Variants in DENND5B observed in about 807,000 individuals in gnomAD.
The protein encoded by DENND5B is DENN domain containing 5B.
In DENND5B, 34 loss-of-function variants were observed where a neutral mutation model predicts 140.6. The ratio of observed to expected loss-of-function variants is 0.24; its 90% CI spans 0.18 to 0.32. The LOEUF is 0.32. Ranked by LOEUF, DENND5B falls within the 10% of genes least tolerant of loss-of-function variation. The pLI is 1.00. For synonymous variants in DENND5B, 551 were observed against 562.1 expected (o/e 0.98, Z 0.28); for missense variants, 1,142 against 1,560.2 (o/e 0.73, Z 4.52).
chr12:31,435,596 C>T (rs1565575788), intron 7 of DENND5B, among the ~76,000 whole-genome samples: 1 of 152,118 alleles, frequency 6.6e-6, no homozygotes, highest in African/African-American at 2.4e-5. Flanking sequence ...TACTTATTTA[C>T]GTTTGGATCT....
chr12:31,483,859 T>C (rs1277797928), intron 2 of DENND5B, among the ~76,000 whole-genome samples: 2 of 150,820 alleles, frequency 1.3e-5, no homozygotes, highest in Non-Finnish European at 3.0e-5. Flanking sequence ...AGTTTTCTTT[T>C]CTTTTCTTTT....
chr12:31,578,164 C>CATT (rs1354674083), intron 1 of DENND5B, among the ~76,000 whole-genome samples: 2 of 143,034 alleles, frequency 1.4e-5, no homozygotes, highest in African/African-American at 5.1e-5. Context: ...ACAACCCTAA[C>CATT]ATTATTAACT....
intron 1 of DENND5B, among the ~76,000 whole-genome samples, chr12:31,551,694 G>A (rs1432141254): frequency 1.3e-5 from 2 of 152,190 alleles, no homozygotes; most frequent in African/African-American, 4.8e-5. Context: ...TCCTACCCAT[G>A]AGCATGGAAT....
chr12:31,534,908 A>T, intron 1 of DENND5B: 1 of 366,942 alleles, frequency 2.7e-6, no homozygotes, highest in Non-Finnish European at 5.3e-6. Flanking sequence ...CAAAGGGGTC[A>T]AGAGGCTTTG....
chr12:31,402,114 C>T (rs1414332778), intron 15 of DENND5B, among the ~76,000 whole-genome samples: 3 of 151,494 alleles, frequency 2.0e-5, no homozygotes, highest in Non-Finnish European at 1.5e-5. Context: ...TATCAGCTCT[C>T]CTGTCCTTTT....
rs542146618 is a variant in DENND5B at position 31,411,083 on chromosome 12, G to A, written c.2682-1699C>T. 4.7e-5 allele frequency among the ~76,000 whole-genome samples: 7 copies of A among 149,082 alleles called. No individual in the cohort carries two copies. In the East Asian group the frequency reaches 1.4e-3, roughly 29 times the overall value. On this transcript the variant is annotated intron_variant, in intron 13 of 20. Coordinates refer to ENST00000389082, the MANE Select transcript of DENND5B (RefSeq NM_144973.4). ...GAGACAGTTTTGCTCTTATTGCCCA[G>A]GCTAGAGTGCAATGGCACGATCTTG...
At chr12:31,581,994 T>C (rs2139482655) in intron 1 of DENND5B, among the ~76,000 whole-genome samples, 1 of 152,340 alleles carries the variant, frequency 6.6e-6, no homozygotes. Context: ...TTATGCTGTA[T>C]TGTTTAGGGA....
chr12:31,560,969 T>C (rs1245738909), intron 1 of DENND5B, among the ~76,000 whole-genome samples: 2 of 152,146 alleles, frequency 1.3e-5, no homozygotes, highest in African/African-American at 4.8e-5. Flanking sequence ...AGTGAGCTCA[T>C]TTCACCTAGC....
chr12:31,500,546 G>A (rs542600003), intron 1 of DENND5B: 3 of 332,026 alleles, frequency 9.0e-6, no homozygotes, highest in South Asian at 6.9e-5. Flanking sequence ...TGGGCATGGT[G>A]GTGGGTGCCC....
chr12:31,522,037 T>C (rs932834325), intron 1 of DENND5B, among the ~76,000 whole-genome samples: 4 of 152,202 alleles, frequency 2.6e-5, no homozygotes, highest in African/African-American at 7.2e-5. Context: ...ATGTTAGCTA[T>C]AGTAAATTTG....
chr12:31,484,372 C>T (rs1229958580), intron 2 of DENND5B, among the ~76,000 whole-genome samples: 1 of 152,206 alleles, frequency 6.6e-6, no homozygotes, highest in Admixed American at 6.5e-5. Flanking sequence ...CTGAAGCTGA[C>T]CCTCTTCAGC....
chr12:31,497,429 T>G (rs1330147088), intron 1 of DENND5B, among the ~76,000 whole-genome samples: 3 of 151,988 alleles, frequency 2.0e-5, no homozygotes, highest in African/African-American at 7.2e-5. Flanking sequence ...TAAGGAGAGT[T>G]TATCAATTTT....
At chr12:31,576,514 G>C (rs1485427768) in intron 1 of DENND5B, among the ~76,000 whole-genome samples, 1 of 151,052 alleles carries the variant, frequency 6.6e-6, no homozygotes, top group Non-Finnish European at 1.5e-5. Flanking sequence ...AGAAAGAAAA[G>C]AAAAAAGAAA....
At chr12:31,590,450 G>T in intron 1 of DENND5B, 1 of 320,366 alleles carries the variant, frequency 3.1e-6, no homozygotes, top group Non-Finnish European at 5.5e-6. Flanking sequence ...CGTGCCCTTG[G>T]GGCCACCCCC....
intron 1 of DENND5B, among the ~76,000 whole-genome samples, chr12:31,526,396 T>G (rs569000326): frequency 5.6e-4 from 86 of 152,346 alleles, no homozygotes; most frequent in African/African-American, 1.9e-3. Context: ...ACTCTGCATT[T>G]GACCCAGAAA....
chr12:31,553,986 C>T (rs1371957312), intron 1 of DENND5B, among the ~76,000 whole-genome samples: 1 of 152,138 alleles, frequency 6.6e-6, no homozygotes, highest in Non-Finnish European at 1.5e-5. Context: ...TTCCTGAATA[C>T]AGCACACTGA....
At position 31,488,973 on chromosome 12, in the gene DENND5B, T is replaced by C. The variant is rs140351620; in HGVS notation, c.237+6837A>G. ...AACTTTCCCAGTTTGAGTCAGCAAA[T>C]GTTCTTATATTTCTCTAGACCGTTT... On this transcript the variant is annotated intron_variant, in intron 2 of 20. Transcript: ENST00000389082. Among the ~76,000 whole-genome samples the C allele has an allele frequency of 9.9e-3, 1,505 of 152,290 alleles. 27 individuals are homozygous for C. The highest frequency in any genetic ancestry group is 0.035 in the African/African-American group (1,439 of 41,550).
intron 1 of DENND5B, among the ~76,000 whole-genome samples, chr12:31,587,297 A>G (rs1345187287): frequency 6.6e-6 from 1 of 152,162 alleles, no homozygotes; most frequent in East Asian, 1.9e-4. Context: ...TTCCAGTCTG[A>G]TTCTCCATCA....
intron 8 of DENND5B, 113 bp downstream of exon 8, chr12:31,433,042 A>C: frequency 1.1e-6 from 1 of 913,330 alleles, no homozygotes; most frequent in Non-Finnish European, 1.7e-6. Flanking sequence ...ACTATAACTA[A>C]ACAGTTTTTT....
Sources: allele counts gnomAD v4.1 joint callset (sites outside exome capture counted in the v4.1 genomes callset), GRCh38; gene constraint gnomAD v4.1.1; transcripts MANE v1.5; gene names NCBI Gene and HGNC (gene_info 2026-07-23, HGNC 2026-07-21).